The following FDX2 variants were observed in gnomAD, a reference collection of about 807,000 sequenced individuals.
FDX2 encodes the protein ferredoxin 2.
FDX2 carries 13 observed loss-of-function variants against 18.5 expected under a neutral mutation model. The ratio of observed to expected loss-of-function variants is 0.70; its 90% confidence interval spans 0.46 to 1.12. The LOEUF (loss-of-function observed/expected upper bound fraction) is 1.12, where lower values mean the gene tolerates loss of function less well. FDX2 is among the 50% of genes most tolerant of loss of function. The pLI, the probability that FDX2 is intolerant of heterozygous loss-of-function variation, is 0.00. For missense variants in FDX2, 238 were observed against 250.4 expected, an observed-to-expected ratio of 0.95 and a Z score of 0.34; for synonymous variants, 132 against 106.2, an observed-to-expected ratio of 1.24 and a Z score of -1.49.
At chr19:10,315,145 T>C (rs957112404) in intron 3 of FDX2, among the ~76,000 whole-genome samples, 2 of 151,882 alleles carry the variant, frequency 1.3e-5, no homozygotes, top group East Asian at 3.9e-4. Context: ...GTGGCTAGAA[T>C]ACAGGGAGGA....
chr19:10,311,581 T>A (rs1481177277), intron 3 of FDX2, among the ~76,000 whole-genome samples: 2 of 151,526 alleles, frequency 1.3e-5, no homozygotes, highest in African/African-American at 4.9e-5. Context: ...TATATTTTTT[T>A]AGTAGAGCTG....
chr19:10,315,515 A>C (rs1322206358), intron 2 of FDX2, 23 bp from the exon 3 acceptor site: 1 of 1,609,970 alleles, frequency 6.2e-7, no homozygotes, highest in East Asian at 2.2e-5. Context: ...GGAAGTGCGA[A>C]TGCCGAACTG....
chr19:10,312,172 A>ATTT (rs60538704), intron 3 of FDX2, among the ~76,000 whole-genome samples: 4,855 of 82,364 alleles, frequency 0.059, 117 homozygotes, highest in Non-Finnish European at 0.071. Flanking sequence ...ACCTGGCCAT[A>ATTT]TTTTTTTTTT....
chr19:10,310,893 T>A lies in FDX2; in HGVS notation c.364A>T (p.Ser122Cys). 6.2e-7 allele frequency: 1 copy of A among 1,613,744 alleles called. No individual in the cohort carries two copies. Among genetic ancestry groups the A allele is most frequent in the Non-Finnish European group, 8.5e-7 (1 of 1,179,894 alleles). The stretch of plus-strand genomic sequence containing the variant: ...GGCAGGAGATCCAGGTGGTCTTCAC[T>A]CACATACACATGGCAGGTGGAGCAG... The change falls in exon 4 of 5, where the codon AGT becomes TGT. Residue 122 changes from serine (S) to cysteine (C), a missense_variant. Physicochemically the swap from Ser to Cys is moderately radical, Grantham distance 112. Coordinates refer to ENST00000393708, the MANE Select transcript of FDX2 (RefSeq NM_001031734.4).
At chr19:10,315,805 C>G (rs112459188) in intron 1 of FDX2, 46 bp from the exon 2 acceptor site, 688 of 1,600,452 alleles carry the variant, frequency 4.3e-4, no homozygotes, top group Non-Finnish European at 5.7e-4. Context: ...CCCCGCCCCG[C>G]CGGCATCTGA....
intron 3 of FDX2, among the ~76,000 whole-genome samples, chr19:10,313,605 G>A (rs183600756): frequency 7.7e-6 from 1 of 130,030 alleles, no homozygotes; most frequent in East Asian, 2.4e-4. Context: ...TACTCAAGTT[G>A]TCATGAAGAT....
Position 10,316,010 on chromosome 19 carries a change from T to C in FDX2, c.-5A>G, listed in dbSNP as rs751663648. 3.4e-5 allele frequency: 55 copies of C among 1,598,854 alleles called. No homozygotes were observed. Among genetic ancestry groups the C allele is most frequent in the Admixed American group, 5.5e-5 (3 of 54,362 alleles). On this transcript the variant is annotated 5_prime_UTR_variant, in exon 1 of 5. Coordinates refer to ENST00000393708, the MANE Select transcript of FDX2 (RefSeq NM_001031734.4). The stretch of plus-strand genomic sequence containing the variant: ...GGAGGCGGCCATGACATGCATCACG[T>C]GACTCACCGACTGAGCATGCGCCGC...
rs770890120 is a variant in FDX2 at position 10,315,915 on chromosome 19, C to T, written c.91G>A (p.Gly31Arg). 11 of 1,610,468 alleles carry T rather than the reference C, an allele frequency of 6.8e-6. No individual in the cohort carries two copies. Among genetic ancestry groups the T allele is most frequent in the Non-Finnish European group, 9.3e-6 (11 of 1,179,084 alleles). Residue 31 changes from glycine (G) to arginine (R), a missense_variant, in exon 1 of 5, where the codon GGG becomes AGG. Gly to Arg is a moderately radical substitution (Grantham distance 125). Transcript: ENST00000393708. Reference sequence around the variant, plus strand: ...CCCTCCCCCGACCCGGAAGTGCCCCCAGGTCTGTTCCACCAGGTGCCCCTG... The same window carrying T: ...CCCTCCCCCGACCCGGAAGTGCCCCTAGGTCTGTTCCACCAGGTGCCCCTG...
intron 3 of FDX2, among the ~76,000 whole-genome samples, chr19:10,311,524 A>G (rs2040324512): frequency 1.3e-5 from 2 of 151,372 alleles, no homozygotes; most frequent in Admixed American, 1.3e-4. Flanking sequence ...CAGCCTCCCA[A>G]GTAGCTGGGA....
At chr19:10,312,187 T>G (rs2040331756) in intron 3 of FDX2, among the ~76,000 whole-genome samples, 1 of 146,564 alleles carries the variant, frequency 6.8e-6, no homozygotes, top group African/African-American at 2.5e-5. Flanking sequence ...TTTTTTTTTT[T>G]TTTTTTTTTG....
At position 10,316,013 on chromosome 19, in the gene FDX2, C is replaced by G. The variant is rs200482814; in HGVS notation, c.-8G>C. On this transcript the variant is annotated 5_prime_UTR_variant, in exon 1 of 5. Transcript: ENST00000393708. ...GGCGGCCATGACATGCATCACGTGA[C>G]TCACCGACTGAGCATGCGCCGCGCC... 1.3e-6 allele frequency: 2 copies of G among 1,594,976 alleles called. No homozygotes were observed. Among genetic ancestry groups the G allele is most frequent in the East Asian group, 2.2e-5 (1 of 44,764 alleles).
intron 3 of FDX2, among the ~76,000 whole-genome samples, chr19:10,312,037 A>G (rs139870851): frequency 2.8e-4 from 42 of 150,914 alleles, no homozygotes; most frequent in Non-Finnish European, 6.0e-4. Context: ...CGCCCAGCTA[A>G]TTTTGTATTT....
chr19:10,315,563 G>A (rs974936051), intron 2 of FDX2, 71 bp from the exon 3 acceptor site: 2 of 1,560,228 alleles, frequency 1.3e-6, no homozygotes, highest in Non-Finnish European at 8.8e-7. Context: ...TCTAGGGTTA[G>A]GAAGTAGGAA....
chr19:10,310,482 C>A lies in FDX2; in HGVS notation c.*4G>T. 6.2e-7 allele frequency: 1 copy of A among 1,614,158 alleles called. No individual in the cohort carries two copies. Among genetic ancestry groups the A allele is most frequent in the South Asian group, 1.1e-5 (1 of 91,074 alleles). On this transcript the variant is annotated 3_prime_UTR_variant, in exon 5 of 5. Coordinates refer to ENST00000393708, the MANE Select transcript of FDX2 (RefSeq NM_001031734.4). ...GGCAATGTGGAATGGTCCAGGTGTT[C>A]ATGTCAGTGGGGCTTGGGGACATGG...
At chr19:10,314,373 G>A (rs1297005673) in intron 3 of FDX2, among the ~76,000 whole-genome samples, 1 of 152,132 alleles carries the variant, frequency 6.6e-6, no homozygotes. Flanking sequence ...ATAAGGACAT[G>A]GGTCACCAAT....
chr19:10,310,101 A>C lies in FDX2; in HGVS notation c.*385T>G. 4.6e-6 allele frequency: 1 copy of C among 217,716 alleles called. No individual in the cohort carries two copies. Among genetic ancestry groups the C allele is most frequent in the Admixed American group, 5.2e-5 (1 of 19,410 alleles). 13.5% of individuals were successfully genotyped at this position (217,716 alleles called of 1,614,324 possible). ...TCGCCATGTTGCCCAGGATGGTCTT[A>C]AGCTCCTGGCCTCAAGTGATCCTCC... On this transcript the variant is annotated 3_prime_UTR_variant, in exon 5 of 5. Coordinates refer to ENST00000393708, the MANE Select transcript of FDX2 (RefSeq NM_001031734.4).
rs540761649 is a variant in FDX2 at position 10,315,957 on chromosome 19, C to G, written c.49G>C (p.Val17Leu). 6.3e-4 allele frequency: 1,017 copies of G among 1,611,098 alleles called. 13 individuals carry two copies. In the South Asian group the frequency reaches 0.01, roughly 17 times the overall value. The change falls in exon 1 of 5, where the codon GTT becomes CTT. Residue 17 changes from valine to leucine, a missense_variant. Val to Leu is a conservative substitution (Grantham distance 32). Coordinates refer to ENST00000393708, the MANE Select transcript of FDX2 (RefSeq NM_001031734.4). ...GTGCCCCTGGCAGCCTGCAGTAGAA[C>G]CCTGGCACTCACGCCTCCCCGGGCC...
chr19:10,315,899 G>A lies in FDX2; in HGVS notation c.107C>T (p.Ser36Leu). 2 of 1,575,868 alleles carry A rather than the reference G, an allele frequency of 1.3e-6. No homozygotes were observed. The highest frequency in any genetic ancestry group is 1.7e-6 in the Non-Finnish European group (2 of 1,164,362). ...TGTCCCCAGCGCCACCCCCTCCCCC[G>A]ACCCGGAAGTGCCCCCAGGTCTGTT... Residue 36 changes from serine to leucine, a missense_variant, in exon 1 of 5, where the codon TCG becomes TTG. By Grantham distance (145) the Ser-to-Leu change is moderately radical. Coordinates refer to ENST00000393708, the MANE Select transcript of FDX2 (RefSeq NM_001031734.4).
chr19:10,311,807 C>T (rs1180037533), intron 3 of FDX2, among the ~76,000 whole-genome samples: 1 of 150,780 alleles, frequency 6.6e-6, no homozygotes, highest in Non-Finnish European at 1.5e-5. Flanking sequence ...TCAAGCGATC[C>T]TCCCACCCCA....
Sources: gnomAD v4.1 joint callset for allele counts (sites outside exome capture counted in the v4.1 genomes callset) on GRCh38, gnomAD v4.1.1 for gene constraint, MANE v1.5 for transcripts, NCBI Gene and HGNC (gene_info 2026-07-23, HGNC 2026-07-21) for gene names.